Variants in APBA2 observed in about 807,000 individuals in gnomAD.
APBA2 encodes the protein amyloid-beta A4 precursor protein-binding family A member 2.
Under a neutral mutation model 75.0 loss-of-function variants are expected in APBA2, and 30 were observed. The observed-to-expected ratio is 0.40, with a 90% CI of 0.30 to 0.54. APBA2 has a LOEUF of 0.54. APBA2 is among the 20% of genes least tolerant of loss of function. APBA2 has a pLI of 0.49. For synonymous variants in APBA2, 444 were observed against 409.6 expected, an observed-to-expected ratio of 1.08 and a Z score of -1.01; for missense variants, 801 against 1,016.1, an observed-to-expected ratio of 0.79 and a Z score of 2.88.
rs2045308883 is a variant in APBA2, at chr15:29,117,921, A to AATCG, written c.*792_*795dup. The AATCG allele has an allele frequency of 8.5e-6, 1 of 117,070 alleles. No individual in the cohort carries two copies. Among genetic ancestry groups the AATCG allele is most frequent in the African/African-American group, 3.2e-5 (1 of 31,614 alleles). The allele number at this position is 117,070 out of a possible 1,614,324, so 7.3% of individuals were successfully genotyped here. A position where few individuals can be genotyped will look rare whatever the true frequency, so the allele number is the denominator to read the frequency against. ...GCACAGGTGTCTGCCCCCTCTTTAA[A>AATCG]ATCGATCTACACACATCCACGCACA... On this transcript the variant is annotated 3_prime_UTR_variant, in exon 15 of 15. Transcript: ENST00000683413.
intron 4 of APBA2, among the ~76,000 whole-genome samples, chr15:29,057,369 C>G (rs2041945587): frequency 6.6e-6 from 1 of 152,168 alleles, no homozygotes; most frequent in South Asian, 2.1e-4. Flanking sequence ...ACTCATTTTA[C>G]AGCTTGAAAA....
chr15:29,065,906 A>G (rs2042360218), intron 4 of APBA2, among the ~76,000 whole-genome samples: 1 of 152,140 alleles, frequency 6.6e-6, no homozygotes, highest in South Asian at 2.1e-4. Context: ...GTGCAGCCAG[A>G]CTGTGCAGGT....
intron 6 of APBA2, among the ~76,000 whole-genome samples, chr15:29,086,953 GT>G (rs763601753): frequency 6.6e-6 from 1 of 152,034 alleles, no homozygotes; most frequent in Non-Finnish European, 1.5e-5. Context: ...TCCACTATAG[GT>G]AACCATTTTG....
At chr15:29,099,084 C>G (rs888277361) in intron 9 of APBA2, among the ~76,000 whole-genome samples, 11 of 152,200 alleles carry the variant, frequency 7.2e-5, no homozygotes, top group African/African-American at 2.7e-4. Flanking sequence ...CTCCTGGAGC[C>G]TGGCACTTGG....
chr15:29,020,750 C>T (rs950513702), intron 3 of APBA2, among the ~76,000 whole-genome samples: 2 of 151,938 alleles, frequency 1.3e-5, no homozygotes, highest in Non-Finnish European at 2.9e-5. Flanking sequence ...GCAGAGGTTG[C>T]AATGAGCTGA....
At position 28,888,374 on chromosome 15, in the gene APBA2, T is replaced by C. The variant is rs1195187295; in HGVS notation, c.-205+2096T>C. On this transcript the variant is annotated intron_variant, in intron 1 of 14. Coordinates refer to ENST00000683413, the MANE Select transcript of APBA2 (RefSeq NM_001353788.2). ...AGAGGAAAAACAGTTGATGGTGAGG[T>C]TGGCATCAGGCTGGGCTTTGTTTGG... is the stretch of plus-strand genomic sequence containing the variant. 3.3e-5 allele frequency among the ~76,000 whole-genome samples: 5 copies of C among 152,214 alleles called. No homozygotes were observed. The East Asian group carries it at 9.6e-4, about 29-fold the overall frequency.
At chr15:28,905,917 A>T (rs1171969281) in intron 1 of APBA2, among the ~76,000 whole-genome samples, 1 of 152,172 alleles carries the variant, frequency 6.6e-6, no homozygotes, top group Non-Finnish European at 1.5e-5. Flanking sequence ...GAAATGCATC[A>T]TGTAGAATAG....
intron 12 of APBA2, among the ~76,000 whole-genome samples, chr15:29,107,135 C>G (rs1373888790): frequency 2.0e-5 from 3 of 152,168 alleles, no homozygotes; most frequent in African/African-American, 7.2e-5. Context: ...GCTTATCCTG[C>G]TTTGCCTGGG....
At chr15:28,906,234 A>G (rs1464612933) in intron 1 of APBA2, among the ~76,000 whole-genome samples, 1 of 152,244 alleles carries the variant, frequency 6.6e-6, no homozygotes, top group Non-Finnish European at 1.5e-5. Flanking sequence ...CACCTGCAGA[A>G]TGTATGATAG....
chr15:28,959,196 C>A (rs944805649), intron 2 of APBA2, among the ~76,000 whole-genome samples: 5 of 152,130 alleles, frequency 3.3e-5, no homozygotes, highest in African/African-American at 1.2e-4. Context: ...ACCATGTTGG[C>A]CAGGACGGTC....
chr15:28,983,190 C>G lies in APBA2; in HGVS notation c.-94-12563C>G, dbSNP rs149335217. Among the ~76,000 whole-genome samples, 522 of 152,308 alleles carry G rather than the reference C, an allele frequency of 3.4e-3. 3 individuals are homozygous for G. The highest frequency in any genetic ancestry group is 0.01 in the Middle Eastern group (3 of 294). On this transcript the variant is annotated intron_variant, in intron 2 of 14. Transcript: ENST00000683413. ...AGGTTGGGAAGGTGTAAACATTTCCCTCAACACCTGCAGCCCAGCCGCCGT... is the reference window on the plus strand; with the variant it reads ...AGGTTGGGAAGGTGTAAACATTTCCGTCAACACCTGCAGCCCAGCCGCCGT...
At chr15:28,921,291 C>T (rs72714165) in intron 1 of APBA2, among the ~76,000 whole-genome samples, 14,546 of 152,230 alleles carry the variant, frequency 0.096, 746 homozygotes, top group African/African-American at 0.13. Context: ...AATCTTCCTA[C>T]ATTGAAAAAT....
intron 14 of APBA2, among the ~76,000 whole-genome samples, chr15:29,114,441 C>T (rs1408176890): frequency 6.6e-6 from 1 of 152,132 alleles, no homozygotes; most frequent in African/African-American, 2.4e-5. Flanking sequence ...GCTTCCACGG[C>T]AGTGTGAGGA....
chr15:28,887,041 C>T (rs2031789603), intron 1 of APBA2, among the ~76,000 whole-genome samples: 1 of 152,370 alleles, frequency 6.6e-6, no homozygotes, highest in African/African-American at 2.4e-5. Context: ...TTCCTTTCTC[C>T]GACGCCTGCC....
intron 14 of APBA2, among the ~76,000 whole-genome samples, chr15:29,114,776 G>A (rs887884292): frequency 7.5e-5 from 9 of 120,058 alleles, no homozygotes; most frequent in African/African-American, 2.0e-4. Context: ...GTACCTGAGT[G>A]TGCGTGTGGA....
chr15:29,093,962 G>T (rs2043714695), intron 7 of APBA2, among the ~76,000 whole-genome samples: 1 of 152,208 alleles, frequency 6.6e-6, no homozygotes, highest in African/African-American at 2.4e-5. Flanking sequence ...CAGAGGCCCG[G>T]CCCTCCCATC....
chr15:29,011,476 C>G (rs980718924), intron 3 of APBA2, among the ~76,000 whole-genome samples: 2 of 150,962 alleles, frequency 1.3e-5, no homozygotes, highest in Non-Finnish European at 2.9e-5. Flanking sequence ...TTGCTTACCC[C>G]GTAGTCAGGA....
At chr15:28,970,985 A>G (rs77249229) in intron 2 of APBA2, among the ~76,000 whole-genome samples, 11,665 of 152,126 alleles carry the variant, frequency 0.077, 617 homozygotes, top group East Asian at 0.27. Flanking sequence ...GATGTCTCCT[A>G]AGCTACATAG....
chr15:29,113,947 C>A lies in APBA2; in HGVS notation c.2109C>A (p.Ile703=). The part of the protein sequence containing the change: ...GVRVGHRIIE[I]NGQSVVATAH... ...GTGTGGGCCACCGCATCATCGAGATCAACGGGCAGAGCGTGGTGGCCACAG... is the reference window on the plus strand; with the variant it reads ...GTGTGGGCCACCGCATCATCGAGATAAACGGGCAGAGCGTGGTGGCCACAG... Residue 703 remains isoleucine, a synonymous_variant, in exon 14 of 15, where the codon ATC becomes ATA. Coordinates refer to ENST00000683413, the MANE Select transcript of APBA2 (RefSeq NM_001353788.2). 1.2e-6 allele frequency: 2 copies of A among 1,613,666 alleles called. No individual in the cohort carries two copies. The highest frequency in any genetic ancestry group is 8.5e-7 in the Non-Finnish European group (1 of 1,180,034).
Sources: gnomAD v4.1 joint callset for allele counts (sites outside exome capture counted in the v4.1 genomes callset) on GRCh38, gnomAD v4.1.1 for gene constraint, MANE v1.5 for transcripts, NCBI Gene and HGNC (gene_info 2026-07-23, HGNC 2026-07-21) for gene names.